The following CAD variants were observed in gnomAD, a reference collection of about 807,000 sequenced individuals.
CAD encodes carbamoyl-phosphate synthetase 2, aspartate transcarbamylase, and dihydroorotase.
Under a neutral mutation model 237.2 loss-of-function variants are expected in CAD, and 81 were observed. That is an observed-to-expected ratio of 0.34 (90% confidence interval 0.29 to 0.41). CAD has a LOEUF of 0.41. Ranked by LOEUF, CAD falls within the 10% of genes least tolerant of loss-of-function variation. The pLI is 1.00. For synonymous variants in CAD, 1,196 were observed against 1,162.8 expected, an observed-to-expected ratio of 1.03 and a Z score of -0.58; for missense variants, 2,181 against 2,951.7, an observed-to-expected ratio of 0.74 and a Z score of 6.05.
Position 27,237,845 on chromosome 2 carries a change from C to T in CAD, c.4691C>T (p.Ser1564Phe), listed in dbSNP as rs765185972. ...GLKLYLNETF[S>F]ELRLDSVVQW... ...AAGCTTTACCTCAATGAGACCTTCT[C>T]TGAGCTGCGGCTGGACAGCGTGGTC... The change falls in exon 29 of 44, where the codon TCT (serine) becomes TTT (phenylalanine). Residue 1564 changes from serine (S) to phenylalanine (F), a missense_variant. Ser to Phe is a radical substitution (Grantham distance 155). Coordinates refer to ENST00000264705, the MANE Select transcript of CAD (RefSeq NM_004341.5). This position sits in a 1 kb window ranked among gnomAD's most constrained non-coding sequence, Gnocchi z 4.0. The T allele has an allele frequency of 2.5e-6, 4 of 1,613,748 alleles. No homozygotes were observed. Among genetic ancestry groups the T allele is most frequent in the African/African-American group, 2.7e-5 (2 of 74,942 alleles).
chr2:27,225,555 C>A lies in CAD; in HGVS notation c.1621-150C>A, dbSNP rs557374154. On this transcript the variant is annotated intron_variant, in intron 11 of 43. Coordinates refer to ENST00000264705, the MANE Select transcript of CAD (RefSeq NM_004341.5). ...TCCTGACCTCAGGTGATCCACCCCC[C>A]CGACCCTCGGCCTCCCAAATTGCTG... The A allele has an allele frequency of 8.5e-5, 55 of 649,652 alleles. 3 individuals are homozygous for A. In the South Asian group the frequency reaches 9.5e-4, roughly 11 times the overall value. 40.2% of individuals were successfully genotyped at this position (649,652 alleles called of 1,614,324 possible).
rs377688006 is a variant in CAD at position 27,231,603 on chromosome 2, C to T, written c.2400+23C>T. 323 of 1,419,280 alleles carry T rather than the reference C, an allele frequency of 2.3e-4. No homozygotes were observed. In the African/African-American group the frequency reaches 4.0e-3, roughly 18 times the overall value. 87.9% of individuals were successfully genotyped at this position (1,419,280 alleles called of 1,614,324 possible). The stretch of plus-strand genomic sequence containing the variant: ...ATGGTAAGTAGCTCCCCTCCCCTGG[C>T]AATACCCCTAAAATAGACCCTGCTT... On this transcript the variant is annotated intron_variant, in intron 16 of 43. Coordinates refer to ENST00000264705, the MANE Select transcript of CAD (RefSeq NM_004341.5).
chr2:27,235,162 A>G lies in CAD; in HGVS notation c.3787-83A>G, dbSNP rs1448748227. 7.7e-7 allele frequency: 1 copy of G among 1,296,246 alleles called. No individual in the cohort carries two copies. Among genetic ancestry groups the G allele is most frequent in the African/African-American group, 1.5e-5 (1 of 67,332 alleles). 80.3% of individuals were successfully genotyped at this position (1,296,246 alleles called of 1,614,324 possible). ...CCCTGCCATTCAGATGGGATCAAGCACAGGGTACTGTGTCCGTCTCTGCTG... is the reference window on the plus strand; with the variant it reads ...CCCTGCCATTCAGATGGGATCAAGCGCAGGGTACTGTGTCCGTCTCTGCTG... On this transcript the variant is annotated intron_variant, in intron 23 of 43. Transcript: ENST00000264705. The surrounding 1 kb of genome is among the most constrained non-coding windows in gnomAD (Gnocchi z 5.2).
chr2:27,239,048 A>C lies in CAD; in HGVS notation c.5069A>C (p.His1690Pro), dbSNP rs947854594. Residue 1690 changes from histidine (H) to proline (P), a missense_variant, in exon 32 of 44, where the codon CAT (histidine) becomes CCT (proline). His to Pro is a moderately conservative substitution (Grantham distance 77). Transcript: ENST00000264705. The surrounding 1 kb of genome is among the most constrained non-coding windows in gnomAD (Gnocchi z 4.0). ...ATGGCTTTCTTTCTCCCAGCTCCCC[A>C]TACCTTGGAGGAGAAGTGTGGGTCC... is the stretch of plus-strand genomic sequence containing the variant. Reference protein sequence around the residue: ...IDCFASDHAPHTLEEKCGSRP... With the variant: ...IDCFASDHAPPTLEEKCGSRP... The C allele has an allele frequency of 6.4e-7, 1 of 1,556,034 alleles. No individual in the cohort carries two copies. The highest frequency in any genetic ancestry group is 8.7e-7 in the Non-Finnish European group (1 of 1,154,510).
Position 27,222,337 on chromosome 2 carries a change from G to A in CAD, c.495+1G>A. ...CCTGGTACCAGAGGTCTCCATTAAG[G>A]TACAGAGGTAGAGTGGGAGAGTGTT... On this transcript the variant is annotated splice_donor_variant, in intron 4 of 43. Transcript: ENST00000264705. LOFTEE classifies it high-confidence loss of function. The A allele has an allele frequency of 6.2e-7, 1 of 1,608,690 alleles. No homozygotes were observed. Among genetic ancestry groups the A allele is most frequent in the Non-Finnish European group, 8.5e-7 (1 of 1,175,616 alleles).
In CAD at chr2:27,238,525, G is replaced by A. The variant is rs745334945; in HGVS notation, c.4955G>A (p.Arg1652His). The A allele has an allele frequency of 3.1e-5, 50 of 1,613,800 alleles. No homozygotes were observed. The highest frequency in any genetic ancestry group is 8.3e-5 in the Admixed American group (5 of 59,952). The stretch of plus-strand genomic sequence containing the variant: ...TTCCTAAGCCATGATGACCTGGAGC[G>A]CCTGGGGCCTGGGAAGGGGGAGGTC... ...HLFLSHDDLE[R>H]LGPGKGEVRP... The change falls in exon 31 of 44, where the codon CGC becomes CAC. Residue 1652 changes from arginine (R) to histidine (H), a missense_variant. Physicochemically the swap from Arg to His is conservative, Grantham distance 29. Transcript: ENST00000264705.
At position 27,239,710 on chromosome 2, in the gene CAD, C is replaced by A; in HGVS notation, c.5408C>A (p.Pro1803Gln). The change falls in exon 34 of 44, where the codon CCG becomes CAG. Residue 1803 changes from proline (P) to glutamine (Q), a missense_variant. Pro to Gln is a moderately conservative substitution (Grantham distance 76, BLOSUM62 -1). Coordinates refer to ENST00000264705, the MANE Select transcript of CAD (RefSeq NM_004341.5). The surrounding 1 kb of genome is among the most constrained non-coding windows in gnomAD (Gnocchi z 4.0). ...AYIDGQVLVPPGYGQDVRKWP... is the reference protein window; with the variant it reads ...AYIDGQVLVPQGYGQDVRKWP... ...TTCTGCCTGCAGGTTCTGGTACCCCCGGGCTATGGACAGGATGTACGGAAG... is the reference window on the plus strand; with the variant it reads ...TTCTGCCTGCAGGTTCTGGTACCCCAGGGCTATGGACAGGATGTACGGAAG... 6.3e-7 allele frequency: 1 copy of A among 1,588,628 alleles called. No individual in the cohort carries two copies. Among genetic ancestry groups the A allele is most frequent in the Non-Finnish European group, 8.6e-7 (1 of 1,165,858 alleles).
In CAD at chr2:27,217,889, G is replaced by T; in HGVS notation, c.95G>T (p.Gly32Val). 1 of 1,604,608 alleles carries T rather than the reference G, an allele frequency of 6.2e-7. No individual in the cohort carries two copies. Among genetic ancestry groups the T allele is most frequent in the Non-Finnish European group, 8.5e-7 (1 of 1,175,746 alleles). ...TTCTTTCTTGCAGTGTTTCAAACCGGCATGGTCGGCTACCCCGAGGCCCTC... is the reference window on the plus strand; with the variant it reads ...TTCTTTCTTGCAGTGTTTCAAACCGTCATGGTCGGCTACCCCGAGGCCCTC... ...STAGEVVFQT[G>V]MVGYPEALTD... The change falls in exon 2 of 44, where the codon GGC becomes GTC. Residue 32 changes from glycine (G) to valine (V), a missense_variant. Gly to Val is a moderately radical substitution (Grantham distance 109, BLOSUM62 -3). Transcript: ENST00000264705.
At chr2:27,220,419 T>TG (rs1196421769) in intron 2 of CAD, among the ~76,000 whole-genome samples, 3 of 151,556 alleles carry the variant, frequency 2.0e-5, no homozygotes, top group Non-Finnish European at 4.4e-5. Flanking sequence ...AAGGCTGAGG[T>TG]GGGGGGATCG....
chr2:27,238,559 G>C lies in CAD; in HGVS notation c.4989G>C (p.Glu1663Asp), dbSNP rs1488107311. The change falls in exon 31 of 44, where the codon GAG becomes GAC. Residue 1663 changes from glutamate to aspartate, a missense_variant. This residue lies in a region of CAD where 478 missense variants were observed against 515.0 expected (regional missense o/e 0.93). Coordinates refer to ENST00000264705, the MANE Select transcript of CAD (RefSeq NM_004341.5). ...CTGGGAAGGGGGAGGTCCGGCCTGA[G>C]CTTGGCTCCCGCCAGGATGTGGAAG... ...LGPGKGEVRP[E>D]LGSRQDVEAL... is the part of the protein sequence containing the mutation. The C allele has an allele frequency of 6.2e-7, 1 of 1,613,998 alleles. No individual in the cohort carries two copies. The highest frequency in any genetic ancestry group is 8.5e-7 in the Non-Finnish European group (1 of 1,180,022).
intron 2 of CAD, among the ~76,000 whole-genome samples, chr2:27,220,715 T>C (rs1173179416): frequency 2.0e-5 from 3 of 150,910 alleles, no homozygotes; most frequent in African/African-American, 7.3e-5. Context: ...CCCAGCACTT[T>C]GGGAGGCTGA....
chr2:27,219,815 C>T (rs1207058092), intron 2 of CAD, among the ~76,000 whole-genome samples: 1 of 152,168 alleles, frequency 6.6e-6, no homozygotes, highest in East Asian at 1.9e-4. Flanking sequence ...TTTTGAACTC[C>T]CGATCACAGG....
Position 27,235,888 on chromosome 2 carries a change from CAAAG to C in CAD, c.4074+251_4074+254del, listed in dbSNP as rs1347220753. 1 of 462,338 alleles carries C rather than the reference CAAAG, an allele frequency of 2.2e-6. No individual in the cohort carries two copies. Among genetic ancestry groups the C allele is most frequent in the Non-Finnish European group, 3.8e-6 (1 of 261,642 alleles). 28.6% of individuals were successfully genotyped at this position (462,338 alleles called of 1,614,324 possible). ...GATGCTGTCTCAAAAAAAAAAAAAA[CAAAG>C]AATTATCTCCTATTCCCCTGCTTTT... On this transcript the variant is annotated intron_variant, in intron 25 of 43. Transcript: ENST00000264705. This position sits in a 1 kb window ranked among gnomAD's most constrained non-coding sequence, Gnocchi z 5.2.
Position 27,223,362 on chromosome 2 carries a change from T to C in CAD, c.810-201T>C, listed in dbSNP as rs9309604. Among the ~76,000 whole-genome samples the C allele has an allele frequency of 0.44, 65,366 of 147,208 alleles. 17,654 individuals carry two copies. The highest frequency in any genetic ancestry group is 0.76 in the African/African-American group (31,045 of 40,752). On this transcript the variant is annotated intron_variant, in intron 6 of 43. Coordinates refer to ENST00000264705, the MANE Select transcript of CAD (RefSeq NM_004341.5). ...AGGAGAATCGCTTGAACCTGGGAGGTGGAGGTTGCAGTGAGCGGAGATCGT... is the reference window on the plus strand; with the variant it reads ...AGGAGAATCGCTTGAACCTGGGAGGCGGAGGTTGCAGTGAGCGGAGATCGT...
At chr2:27,221,667 A>G (rs1035958430) in intron 3 of CAD, among the ~76,000 whole-genome samples, 2 of 151,928 alleles carry the variant, frequency 1.3e-5, no homozygotes, top group Non-Finnish European at 2.9e-5. Flanking sequence ...AGGAATCTTT[A>G]AAAAACATGA....
At chr2:27,231,701 T>A in intron 16 of CAD, 121 bp downstream of exon 16, 1 of 709,050 alleles carries the variant, frequency 1.4e-6, no homozygotes, top group Non-Finnish European at 2.4e-6. Flanking sequence ...TTGCTTTGTT[T>A]CCACTTTGCT....
At position 27,243,446 on chromosome 2, in the gene CAD, C is replaced by G. The variant is rs2148102339; in HGVS notation, c.6606C>G (p.Ala2202=). The G allele has an allele frequency of 6.2e-7, 1 of 1,607,470 alleles. No individual in the cohort carries two copies. The highest frequency in any genetic ancestry group is 1.4e-5 in the African/African-American group (1 of 73,884). ...SVEVDSDPRA[A]YFRQAENGMY... ...AAGTGGACTCGGATCCCCGCGCAGCCTACTTCCGCCAGGCTGAGAACGGCA... is the reference window on the plus strand; with the variant it reads ...AAGTGGACTCGGATCCCCGCGCAGCGTACTTCCGCCAGGCTGAGAACGGCA... Residue 2202 remains alanine, a synonymous_variant, in exon 44 of 44, where the codon GCC becomes GCG. Coordinates refer to ENST00000264705, the MANE Select transcript of CAD (RefSeq NM_004341.5).
Position 27,224,370 on chromosome 2 carries a change from C to G in CAD, c.1134C>G (p.Leu378=), listed in dbSNP as rs764906898. The G allele has an allele frequency of 2.6e-5, 42 of 1,614,110 alleles. No homozygotes were observed. The Middle Eastern group carries it at 6.6e-4, about 25-fold the overall frequency. The change falls in exon 9 of 44, where the codon CTC becomes CTG. Residue 378 remains leucine (L), a synonymous_variant. Transcript: ENST00000264705. ...TTAGAGAGCGGCTGACTGAGCGCCT[C>G]TGTCCCCCTGGGATTCCCACTCCCG... ...QTVRERLTER[L]CPPGIPTPGS...
In CAD at chr2:27,242,291, CT is replaced by C; in HGVS notation, c.6097-5del. 1 of 1,603,970 alleles carries C rather than the reference CT, an allele frequency of 6.2e-7. No individual in the cohort carries two copies. On this transcript the variant is annotated splice_polypyrimidine_tract_variant and intron_variant, in intron 39 of 43. Coordinates refer to ENST00000264705, the MANE Select transcript of CAD (RefSeq NM_004341.5). The surrounding 1 kb of genome is among the most constrained non-coding windows in gnomAD (Gnocchi z 6.4). ...GAGCTGCAAAAGACAGGATTTTCCCCTTTTTTCCAGCTGGCCGCCAAGCACT... is the reference window on the plus strand; with the variant it reads ...GAGCTGCAAAAGACAGGATTTTCCCCTTTTTCCAGCTGGCCGCCAAGCACT...
Sources: allele counts gnomAD v4.1 joint callset (sites outside exome capture counted in the v4.1 genomes callset), GRCh38; gene constraint gnomAD v4.1.1; regional missense constraint gnomAD v4.1.1; non-coding constraint Gnocchi (gnomAD v3.1); transcripts MANE v1.5; gene names NCBI Gene and HGNC (gene_info 2026-07-23, HGNC 2026-07-21).